Variants in AGAP1 observed in about 807,000 individuals in gnomAD.
AGAP1 encodes ArfGAP with GTPase domain, ankyrin repeat and PH domain 1, also known as arf-GAP with GTPase, ANK repeat and PH domain-containing protein 1.
A neutral mutation model predicts 105.3 loss-of-function variants in AGAP1; 29 were observed. That is an observed-to-expected ratio of 0.28 (90% CI 0.21 to 0.38). The LOEUF is 0.38. AGAP1 is among the 10% of genes least tolerant of loss of function. The pLI is 1.00. For missense variants in AGAP1, 998 were observed against 1,165.1 expected (o/e 0.86, Z 2.09); for synonymous variants, 509 against 485.9 (o/e 1.05, Z -0.63).
At chr2:235,514,920 C>T (rs1389257155) in intron 1 of AGAP1, among the ~76,000 whole-genome samples, 1 of 152,146 alleles carries the variant, frequency 6.6e-6, no homozygotes, top group Admixed American at 6.5e-5. Flanking sequence ...ACTCATGTCC[C>T]AGAGAAGGGG....
chr2:235,511,155 G>A (rs1250382017), intron 1 of AGAP1, among the ~76,000 whole-genome samples: 1 of 152,162 alleles, frequency 6.6e-6, no homozygotes, highest in Non-Finnish European at 1.5e-5. Flanking sequence ...ATCCCGCAAT[G>A]CCTGGGGCAG....
chr2:235,638,066 T>G (rs1039145366), intron 1 of AGAP1, among the ~76,000 whole-genome samples: 4 of 152,152 alleles, frequency 2.6e-5, no homozygotes, highest in African/African-American at 9.7e-5. Flanking sequence ...ACAAATAATA[T>G]CTTACCGGCT....
At chr2:236,054,280 C>T (rs1471769602) in intron 16 of AGAP1, among the ~76,000 whole-genome samples, 1 of 152,124 alleles carries the variant, frequency 6.6e-6, no homozygotes, top group Non-Finnish European at 1.5e-5. Flanking sequence ...ATCATAAGAT[C>T]ACAATGTAGT....
chr2:235,809,800 A>C (rs905449164), intron 9 of AGAP1, among the ~76,000 whole-genome samples: 1 of 152,180 alleles, frequency 6.6e-6, no homozygotes, highest in Non-Finnish European at 1.5e-5. Context: ...AGAGGATTGC[A>C]GGGGATGGAG....
At chr2:235,834,012 AACTGTCATCC>A (rs1959804588) in intron 9 of AGAP1, among the ~76,000 whole-genome samples, 1 of 150,528 alleles carries the variant, frequency 6.6e-6, no homozygotes, top group Non-Finnish European at 1.5e-5. Context: ...TTGACATGTT[AACTGTCATCC>A]TAGTTGAGCC....
Position 235,845,997 on chromosome 2 carries a change from G to A in AGAP1, c.1051-37348G>A, listed in dbSNP as rs775719805. On this transcript the variant is annotated intron_variant, in intron 9 of 17. Transcript: ENST00000304032. The surrounding 1 kb of genome is among the most constrained non-coding windows in gnomAD (Gnocchi z 4.8). ...CCCAGGCCCTCCAGACCTCCTGGAT[G>A]AGGCTTAAATTTTAAAAATACTAAA... Among the ~76,000 whole-genome samples, 12 of 152,010 alleles carry A rather than the reference G, an allele frequency of 7.9e-5. No individual in the cohort carries two copies. Among genetic ancestry groups the A allele is most frequent in the Non-Finnish European group, 1.5e-4 (10 of 68,020 alleles).
chr2:235,514,215 A>G (rs1394288292), intron 1 of AGAP1, among the ~76,000 whole-genome samples: 2 of 152,216 alleles, frequency 1.3e-5, no homozygotes, highest in African/African-American at 4.8e-5. Flanking sequence ...TGATGTGGCA[A>G]TTCATGTTTG....
chr2:235,802,721 G>A (rs902117887), intron 8 of AGAP1, among the ~76,000 whole-genome samples: 6 of 140,890 alleles, frequency 4.3e-5, no homozygotes, highest in African/African-American at 1.6e-4. Context: ...GATGGTTGTG[G>A]TTGTGATGGT....
chr2:235,529,221 G>A (rs1942961348), intron 1 of AGAP1, among the ~76,000 whole-genome samples: 1 of 152,224 alleles, frequency 6.6e-6, no homozygotes, highest in Non-Finnish European at 1.5e-5. Flanking sequence ...ATGGTGGAAA[G>A]TTGATCTCAG....
At chr2:235,516,042 CCGCA>C (rs1942365384) in intron 1 of AGAP1, among the ~76,000 whole-genome samples, 10 of 127,056 alleles carry the variant, frequency 7.9e-5, no homozygotes, top group Admixed American at 7.8e-4. Context: ...CCTGTTCCTG[CCGCA>C]TGGGCTCCTC....
At chr2:235,588,395 C>T (rs1033402044) in intron 1 of AGAP1, among the ~76,000 whole-genome samples, 8 of 152,264 alleles carry the variant, frequency 5.3e-5, no homozygotes, top group African/African-American at 1.9e-4. Flanking sequence ...AACCACCCTT[C>T]CCATTTCTTT....
intron 1 of AGAP1, among the ~76,000 whole-genome samples, chr2:235,598,144 C>T (rs1945601250): frequency 6.6e-6 from 1 of 151,900 alleles, no homozygotes; most frequent in Non-Finnish European, 1.5e-5. Flanking sequence ...TTCCGGTTTC[C>T]GTCGACGTCC....
chr2:235,854,511 C>T lies in AGAP1; in HGVS notation c.1051-28834C>T, dbSNP rs140755410. 2.3e-3 allele frequency among the ~76,000 whole-genome samples: 349 copies of T among 152,320 alleles called. 1 individual carries two copies. Among genetic ancestry groups the T allele is most frequent in the African/African-American group, 7.8e-3 (323 of 41,586 alleles). On this transcript the variant is annotated intron_variant, in intron 9 of 17. Coordinates refer to ENST00000304032, the MANE Select transcript of AGAP1 (RefSeq NM_001037131.3). Reference sequence around the variant, plus strand: ...GGTGGGGGAGGATGGCTGCCTCATTCCAGCCTCAGCTGCTATTGTGGCTAC... The same window carrying T: ...GGTGGGGGAGGATGGCTGCCTCATTTCAGCCTCAGCTGCTATTGTGGCTAC...
Position 236,092,918 on chromosome 2 carries a change from A to G in AGAP1, c.2115-27274A>G, listed in dbSNP as rs145226370. 9.2e-5 allele frequency among the ~76,000 whole-genome samples: 14 copies of G among 152,354 alleles called. No individual in the cohort carries two copies. Among genetic ancestry groups the G allele is most frequent in the African/African-American group, 3.1e-4 (13 of 41,598 alleles). ...TACCAGGGACCAGGGCAGATGCCGC[A>G]GACAGAAACAGGAGCGGCTCCAGGC... On this transcript the variant is annotated intron_variant, in intron 16 of 17. Coordinates refer to ENST00000304032, the MANE Select transcript of AGAP1 (RefSeq NM_001037131.3). This position sits in a 1 kb window ranked among gnomAD's most constrained non-coding sequence, Gnocchi z 4.7.
intron 1 of AGAP1, among the ~76,000 whole-genome samples, chr2:235,606,753 AG>A (rs1449691570): frequency 6.6e-6 from 1 of 152,160 alleles, no homozygotes; most frequent in Non-Finnish European, 1.5e-5. Flanking sequence ...GATCGAGACC[AG>A]TGTGGCCAAC....
rs2049672783 is a variant in AGAP1, at chr2:235,875,440, G to A, written c.1051-7905G>A. Among the ~76,000 whole-genome samples the A allele has an allele frequency of 6.6e-6, 1 of 152,180 alleles. No individual in the cohort carries two copies. Among genetic ancestry groups the A allele is most frequent in the Non-Finnish European group, 1.5e-5 (1 of 68,040 alleles). ...CCTTCCTCACTCGATGATTGTCAGG[G>A]CTGAGAACCCAGCACAGGTCTGTGA... On this transcript the variant is annotated intron_variant, in intron 9 of 17. Coordinates refer to ENST00000304032, the MANE Select transcript of AGAP1 (RefSeq NM_001037131.3). The surrounding 1 kb of genome is among the most constrained non-coding windows in gnomAD (Gnocchi z 4.0).
chr2:236,115,281 G>C (rs1055008132), intron 16 of AGAP1, among the ~76,000 whole-genome samples: 1 of 152,184 alleles, frequency 6.6e-6, no homozygotes, highest in African/African-American at 2.4e-5. Context: ...ATCCAAATGC[G>C]TGATCCCAAA....
At chr2:235,579,387 G>A (rs1158066491) in intron 1 of AGAP1, among the ~76,000 whole-genome samples, 4 of 152,204 alleles carry the variant, frequency 2.6e-5, no homozygotes, top group African/African-American at 9.7e-5. Flanking sequence ...CAATACAGCT[G>A]TGGGTTGCAA....
intron 6 of AGAP1, among the ~76,000 whole-genome samples, chr2:235,763,035 G>GGGGTGTGT (rs1954587231): frequency 7.1e-6 from 1 of 139,976 alleles, no homozygotes; most frequent in African/African-American, 2.6e-5. Context: ...TTAAGGCTCG[G>GGGGTGTGT]GTGTGTGTGT....
Sources: gnomAD v4.1 joint callset for allele counts (sites outside exome capture counted in the v4.1 genomes callset) on GRCh38, gnomAD v4.1.1 for gene constraint, Gnocchi (gnomAD v3.1) non-coding constraint, MANE v1.5 for transcripts, NCBI Gene and HGNC (gene_info 2026-07-23, HGNC 2026-07-21) for gene names.